Variants in MAPKAPK5 observed in about 807,000 individuals in gnomAD.
The protein encoded by MAPKAPK5 is MAP kinase-activated protein kinase 5.
A neutral mutation model predicts 65.1 loss-of-function variants in MAPKAPK5; 30 were observed. That is an observed-to-expected ratio of 0.46 (90% CI 0.34 to 0.63). The LOEUF (loss-of-function observed/expected upper bound fraction) is 0.63, where lower values mean the gene tolerates loss of function less well. MAPKAPK5 is among the 20% of genes least tolerant of loss of function. The pLI, the probability that MAPKAPK5 is intolerant of heterozygous loss-of-function variation, is 0.01. For synonymous variants in MAPKAPK5, 179 were observed against 204.6 expected, an observed-to-expected ratio of 0.87 and a Z score of 1.07; for missense variants, 433 against 581.4, an observed-to-expected ratio of 0.74 and a Z score of 2.63.
chr12:111,853,474 G>A (rs1217464758), intron 1 of MAPKAPK5, among the ~76,000 whole-genome samples: 2 of 151,822 alleles, frequency 1.3e-5, no homozygotes, highest in Non-Finnish European at 2.9e-5. Context: ...TTTGTATTTT[G>A]TATCCTTAGT....
intron 7 of MAPKAPK5, among the ~76,000 whole-genome samples, chr12:111,872,405 A>G (rs1169122266): frequency 1.3e-5 from 2 of 152,284 alleles, no homozygotes; most frequent in East Asian, 1.9e-4. Context: ...TGTATTGGCC[A>G]TTCTGTTGTA....
chr12:111,865,681 C>G (rs549115637), intron 2 of MAPKAPK5, among the ~76,000 whole-genome samples: 1 of 151,808 alleles, frequency 6.6e-6, no homozygotes, highest in Admixed American at 6.6e-5. Context: ...CCTAAAGATA[C>G]AAAAATTAGC....
chr12:111,862,863 T>TA (rs1177101821), intron 1 of MAPKAPK5, among the ~76,000 whole-genome samples: 1 of 152,224 alleles, frequency 6.6e-6, no homozygotes, highest in Non-Finnish European at 1.5e-5. Flanking sequence ...GAACAGTTTT[T>TA]ACCACGATGC....
intron 1 of MAPKAPK5, among the ~76,000 whole-genome samples, chr12:111,844,111 C>T (rs951161266): frequency 6.6e-6 from 1 of 151,964 alleles, no homozygotes; most frequent in Non-Finnish European, 1.5e-5. Flanking sequence ...CGTGAGCCAC[C>T]GTGCCTGGCC....
At chr12:111,888,373 A>T in intron 10 of MAPKAPK5, 115 bp from the exon 11 acceptor site, 1 of 1,386,102 alleles carries the variant, frequency 7.2e-7, no homozygotes, top group Non-Finnish European at 9.8e-7. Flanking sequence ...TTCCTTCAGC[A>T]TAAGAGTGAA....
chr12:111,874,496 A>G (rs1462501399), intron 7 of MAPKAPK5, among the ~76,000 whole-genome samples: 1 of 145,000 alleles, frequency 6.9e-6, no homozygotes, highest in Non-Finnish European at 1.5e-5. Context: ...TTGAGATGGA[A>G]TTGCACTCTT....
At chr12:111,844,674 A>G (rs2068850734) in intron 1 of MAPKAPK5, among the ~76,000 whole-genome samples, 1 of 152,222 alleles carries the variant, frequency 6.6e-6, no homozygotes, top group Non-Finnish European at 1.5e-5. Context: ...CTTATATTCT[A>G]GAGGGTGGGG....
chr12:111,890,570 C>T (rs183694793), intron 13 of MAPKAPK5, among the ~76,000 whole-genome samples: 1 of 152,318 alleles, frequency 6.6e-6, no homozygotes, highest in East Asian at 1.9e-4. Context: ...TAGAGAAGAG[C>T]TGTTTCACGA....
chr12:111,864,853 G>A (rs1032409037), intron 1 of MAPKAPK5, among the ~76,000 whole-genome samples: 7 of 152,146 alleles, frequency 4.6e-5, no homozygotes, highest in African/African-American at 7.2e-5. Context: ...CAGCTTGGCA[G>A]CATATATCTG....
intron 4 of MAPKAPK5, among the ~76,000 whole-genome samples, chr12:111,867,883 A>G (rs957026561): frequency 1.3e-5 from 2 of 152,188 alleles, no homozygotes; most frequent in African/African-American, 2.4e-5. Flanking sequence ...TGAATCCTCA[A>G]GTTCTCATGA....
At chr12:111,844,750 CGAG>C (rs1566215791) in intron 1 of MAPKAPK5, among the ~76,000 whole-genome samples, 1 of 152,106 alleles carries the variant, frequency 6.6e-6, no homozygotes, top group East Asian at 1.9e-4. Flanking sequence ...TAGGGTAGTC[CGAG>C]GAGGTGACAC....
Position 111,900,572 on chromosome 12 carries a change from C to T in MAPKAPK5, c.*7511C>T, listed in dbSNP as rs1370182564. The T allele has an allele frequency of 2.2e-6, 1 of 456,128 alleles. No homozygotes were observed. The highest frequency in any genetic ancestry group is 1.5e-5 in the South Asian group (1 of 64,560). The allele number at this position is 456,128 out of a possible 1,614,324, so 28.3% of individuals were successfully genotyped here. A position where few individuals can be genotyped will look rare whatever the true frequency, so the allele number is the denominator to read the frequency against. ...GGGGCCGCAAGCGTAGGGATTCTGCCTGTGGAAATGGTGTGGTGGAGGACA... is the reference window on the plus strand; with the variant it reads ...GGGGCCGCAAGCGTAGGGATTCTGCTTGTGGAAATGGTGTGGTGGAGGACA... On this transcript the variant is annotated 3_prime_UTR_variant, in exon 14 of 14. Coordinates refer to ENST00000550735, the MANE Select transcript of MAPKAPK5 (RefSeq NM_003668.4).
intron 13 of MAPKAPK5, among the ~76,000 whole-genome samples, chr12:111,891,489 AT>A (rs2070605164): frequency 6.6e-6 from 1 of 150,770 alleles, no homozygotes; most frequent in Non-Finnish European, 1.5e-5. Context: ...CTTCCCTGGG[AT>A]TTTTTTAAAG....
Position 111,865,319 on chromosome 12 carries a change from GT to G in MAPKAPK5, c.108del (p.Arg37GlufsTer4). On this transcript the variant is annotated frameshift_variant, in exon 2 of 14. Coordinates refer to ENST00000550735, the MANE Select transcript of MAPKAPK5 (RefSeq NM_003668.4). LOFTEE classifies it high-confidence loss of function. ...GCTGGGAGCTGGAATTAGTGGTCCA[GT>G]TAGGTAAGAGATCCATATGAGAAAC... is the stretch of plus-strand genomic sequence containing the variant. ...QKLGAGISGP[V>X]RVCVKKSTQE... 1 of 1,588,860 alleles carries G rather than the reference GT, an allele frequency of 6.3e-7. No individual in the cohort carries two copies. The highest frequency in any genetic ancestry group is 1.8e-5 in the Admixed American group (1 of 56,492).
At chr12:111,875,218 C>T (rs1385926882) in intron 7 of MAPKAPK5, among the ~76,000 whole-genome samples, 1 of 151,500 alleles carries the variant, frequency 6.6e-6, no homozygotes, top group Non-Finnish European at 1.5e-5. Context: ...GTGGGCATGC[C>T]TCTTCTGTTG....
At chr12:111,852,493 A>G (rs1056186791) in intron 1 of MAPKAPK5, among the ~76,000 whole-genome samples, 8 of 152,242 alleles carry the variant, frequency 5.3e-5, no homozygotes, top group Non-Finnish European at 1.2e-4. Context: ...TATTGTAACA[A>G]TATAGTATGT....
chr12:111,869,044 G>C (rs1337761920), intron 5 of MAPKAPK5, among the ~76,000 whole-genome samples, 183 bp downstream of exon 5: 1 of 152,150 alleles, frequency 6.6e-6, no homozygotes, highest in African/African-American at 2.4e-5. Flanking sequence ...ACTTGGGGGT[G>C]GGGGTACTGT....
chr12:111,890,234 G>T, intron 13 of MAPKAPK5, 90 bp downstream of exon 13: 1 of 1,010,462 alleles, frequency 9.9e-7, no homozygotes. Flanking sequence ...CTGAGCTGCG[G>T]CTGTTTTGAA....
chr12:111,876,172 A>AC (rs1338165061), intron 7 of MAPKAPK5, among the ~76,000 whole-genome samples: 1 of 142,558 alleles, frequency 7.0e-6, no homozygotes, highest in South Asian at 2.2e-4. Flanking sequence ...GAGCCATTGC[A>AC]CTCCAGCCTG....
Sources: gnomAD v4.1 joint callset for allele counts (sites outside exome capture counted in the v4.1 genomes callset) on GRCh38, gnomAD v4.1.1 for gene constraint, MANE v1.5 for transcripts, NCBI Gene and HGNC (gene_info 2026-07-23, HGNC 2026-07-21) for gene names.